The following AGBL1 variants were observed in gnomAD, a reference collection of about 807,000 sequenced individuals.
AGBL1 encodes cytosolic carboxypeptidase 4.
AGBL1 carries 130 observed loss-of-function variants against 118.9 expected under a neutral mutation model. The ratio of observed to expected loss-of-function variants is 1.09; its 90% confidence interval spans 0.95 to 1.26. The LOEUF (loss-of-function observed/expected upper bound fraction) is 1.26. Ranked by LOEUF, AGBL1 falls within the 50% of genes most tolerant of loss-of-function variation. The pLI, the probability that AGBL1 is intolerant of heterozygous loss-of-function variation, is 0.00. For missense variants in AGBL1, 1,584 were observed against 1,298.1 expected (o/e 1.22, Z -3.38); for synonymous variants, 555 against 478.9 (o/e 1.16, Z -2.08).
chr15:86,222,898 C>T (rs1024929294), intron 5 of AGBL1, among the ~76,000 whole-genome samples: 8 of 152,170 alleles, frequency 5.3e-5, no homozygotes, highest in Non-Finnish European at 1.2e-4. Context: ...ATACTGTCCC[C>T]TAAACCAATT....
At chr15:86,821,233 G>A (rs1180459347) in intron 22 of AGBL1, among the ~76,000 whole-genome samples, 5 of 151,952 alleles carry the variant, frequency 3.3e-5, no homozygotes, top group East Asian at 1.9e-4. Context: ...TATAGATGAC[G>A]GGTTGATGAG....
chr15:86,626,859 A>T (rs1471405012), intron 21 of AGBL1, among the ~76,000 whole-genome samples: 1 of 137,508 alleles, frequency 7.3e-6, no homozygotes, highest in Non-Finnish European at 1.6e-5. Flanking sequence ...TTTTTTTGAG[A>T]CAAAGTCTTA....
chr15:86,247,560 T>C, intron 6 of AGBL1, 111 bp from the exon 7 acceptor site: 1 of 1,162,830 alleles, frequency 8.6e-7, no homozygotes, highest in South Asian at 1.3e-5. Flanking sequence ...TAAAATGTTA[T>C]TATTCCCTTG....
intron 22 of AGBL1, among the ~76,000 whole-genome samples, chr15:86,732,876 G>C (rs1232084261): frequency 6.6e-6 from 1 of 150,858 alleles, no homozygotes; most frequent in Non-Finnish European, 1.5e-5. Context: ...GATATATATA[G>C]ATAGATATAT....
intron 1 of AGBL1, among the ~76,000 whole-genome samples, chr15:86,137,824 C>T (rs2076909484): frequency 6.6e-6 from 1 of 152,168 alleles, no homozygotes; most frequent in Admixed American, 6.5e-5. Context: ...GGGGTTTTCT[C>T]AGAGGCAGCT....
intron 18 of AGBL1, among the ~76,000 whole-genome samples, chr15:86,454,077 A>G (rs1000124725): frequency 6.6e-6 from 1 of 151,978 alleles, no homozygotes; most frequent in African/African-American, 2.4e-5. Context: ...CGTATGGAAG[A>G]CTTTGCCCTC....
intron 22 of AGBL1, among the ~76,000 whole-genome samples, chr15:86,700,164 A>C (rs946402313): frequency 1.3e-5 from 2 of 151,904 alleles, no homozygotes; most frequent in Non-Finnish European, 2.9e-5. Flanking sequence ...GGATTCAAGG[A>C]TTACTTTTTT....
Position 86,894,677 on chromosome 15 carries a change from A to T in AGBL1, c.3159-12410A>T, listed in dbSNP as rs182939134. Among the ~76,000 whole-genome samples, 396 of 152,330 alleles carry T rather than the reference A, an allele frequency of 2.6e-3. 2 individuals are homozygous for T. The highest frequency in any genetic ancestry group is 9.3e-3 in the African/African-American group (386 of 41,584). On this transcript the variant is annotated intron_variant, in intron 22 of 22. Coordinates refer to ENST00000614907, the MANE Select transcript of AGBL1 (RefSeq NM_001386094.1). The stretch of plus-strand genomic sequence containing the variant: ...ACTGCCCTGGGCACAAAGGCAGTAC[A>T]AGGAGCAGTGGTGAAACCAGTAGGA...
intron 24 of AGBL1, among the ~76,000 whole-genome samples, chr15:87,020,452 T>G (rs1350339378): frequency 6.6e-6 from 1 of 151,986 alleles, no homozygotes; most frequent in Non-Finnish European, 1.5e-5. Flanking sequence ...CAGAAAAGGG[T>G]GTCCTCTCTT....
At chr15:86,898,974 C>T (rs1210365785) in intron 22 of AGBL1, among the ~76,000 whole-genome samples, 3 of 152,090 alleles carry the variant, frequency 2.0e-5, no homozygotes, top group Non-Finnish European at 4.4e-5. Context: ...GAGGAAAATA[C>T]AGTGGTGATT....
intron 22 of AGBL1, among the ~76,000 whole-genome samples, chr15:86,841,237 A>C (rs1306270551): frequency 6.6e-6 from 1 of 152,126 alleles, no homozygotes; most frequent in East Asian, 1.9e-4. Context: ...TGCTGAGACC[A>C]CCCAGGCATG....
chr15:86,700,847 G>A (rs1203956435), intron 22 of AGBL1, among the ~76,000 whole-genome samples: 3 of 151,988 alleles, frequency 2.0e-5, no homozygotes, highest in Non-Finnish European at 2.9e-5. Context: ...AGTTTAAATC[G>A]ATTCATCCAA....
At chr15:87,014,170 T>C (rs1393138646) in intron 24 of AGBL1, among the ~76,000 whole-genome samples, 2 of 152,294 alleles carry the variant, frequency 1.3e-5, no homozygotes, top group African/African-American at 4.8e-5. Flanking sequence ...ATTTAGAAAG[T>C]CTTAAGTTTT....
intron 15 of AGBL1, among the ~76,000 whole-genome samples, chr15:86,272,213 C>A (rs966893616): frequency 6.6e-6 from 1 of 152,146 alleles, no homozygotes; most frequent in African/African-American, 2.4e-5. Flanking sequence ...TTTCAAAATT[C>A]ATCTTCAATC....
chr15:86,514,129 C>CAA (rs2083086202), intron 18 of AGBL1, among the ~76,000 whole-genome samples: 1 of 58,250 alleles, frequency 1.7e-5, no homozygotes, highest in Non-Finnish European at 4.2e-5. Context: ...TATGAATACA[C>CAA]ACACAAACAC....
chr15:86,620,954 ATCTC>A (rs1445110212), intron 21 of AGBL1, among the ~76,000 whole-genome samples: 5 of 152,000 alleles, frequency 3.3e-5, no homozygotes, highest in African/African-American at 1.2e-4. Flanking sequence ...CTCCAGTTAA[ATCTC>A]TCTATTATTT....
intron 7 of AGBL1, among the ~76,000 whole-genome samples, chr15:86,252,768 G>T (rs189246146): frequency 2.6e-5 from 4 of 152,316 alleles, no homozygotes; most frequent in Admixed American, 2.6e-4. Context: ...TGTGGAGAGC[G>T]AGTGGGACAA....
At chr15:86,778,341 G>T (rs1247014540) in intron 22 of AGBL1, among the ~76,000 whole-genome samples, 3 of 152,094 alleles carry the variant, frequency 2.0e-5, no homozygotes, top group Admixed American at 2.0e-4. Context: ...AGGAGACAGG[G>T]TTTGAGAGCA....
At chr15:86,608,503 C>A (rs2084613745) in intron 21 of AGBL1, among the ~76,000 whole-genome samples, 1 of 152,154 alleles carries the variant, frequency 6.6e-6, no homozygotes, top group African/African-American at 2.4e-5. Context: ...AGCCTTGCAA[C>A]CTTCTCACTG....
Sources: gnomAD v4.1 joint callset for allele counts (sites outside exome capture counted in the v4.1 genomes callset) on GRCh38, gnomAD v4.1.1 for gene constraint, MANE v1.5 for transcripts, NCBI Gene and HGNC (gene_info 2026-07-23, HGNC 2026-07-21) for gene names.